The following FAM168A variants were observed in gnomAD, a reference collection of about 807,000 sequenced individuals.
FAM168A encodes the protein protein FAM168A.
A neutral mutation model predicts 28.5 loss-of-function variants in FAM168A; 3 were observed. That is an observed-to-expected ratio of 0.11 (90% confidence interval 0.05 to 0.27). The LOEUF (loss-of-function observed/expected upper bound fraction) is 0.27, where lower values mean the gene tolerates loss of function less well. Ranked by LOEUF, FAM168A falls within the 10% of genes least tolerant of loss-of-function variation. FAM168A has a pLI of 1.00. For synonymous variants in FAM168A, 122 were observed against 124.2 expected, an observed-to-expected ratio of 0.98 and a Z score of 0.12; for missense variants, 222 against 311.5, an observed-to-expected ratio of 0.71 and a Z score of 2.16.
chr11:73,535,609 C>T (rs56205113), intron 1 of FAM168A, among the ~76,000 whole-genome samples: 12,343 of 151,422 alleles, frequency 0.082, 1,523 homozygotes, highest in African/African-American at 0.27. Context: ...TTAGTAGAGA[C>T]GGGGTTTCAC....
chr11:73,548,363 A>G (rs1054453085), intron 1 of FAM168A, among the ~76,000 whole-genome samples: 2 of 152,208 alleles, frequency 1.3e-5, no homozygotes, highest in Admixed American at 6.5e-5. Context: ...AAGCAAGCAC[A>G]TTATTTCGCC....
intron 1 of FAM168A, among the ~76,000 whole-genome samples, chr11:73,487,549 A>C (rs2134603447): frequency 6.6e-6 from 1 of 152,208 alleles, no homozygotes. Context: ...TCTCTCTAAT[A>C]TATTCTTATC....
intron 5 of FAM168A, chr11:73,410,385 G>T (rs1461598829): frequency 6.6e-6 from 1 of 151,776 alleles, no homozygotes; most frequent in East Asian, 1.9e-4. Context: ...TCCAGCCTGG[G>T]TGACAGAGCA....
chr11:73,424,501 C>T (rs552263945), intron 3 of FAM168A, among the ~76,000 whole-genome samples: 2 of 152,086 alleles, frequency 1.3e-5, no homozygotes, highest in South Asian at 2.1e-4. Context: ...GCTGCCCCCC[C>T]CACCTCTCAC....
chr11:73,483,627 G>A (rs746874530), intron 1 of FAM168A, among the ~76,000 whole-genome samples: 2 of 152,216 alleles, frequency 1.3e-5, no homozygotes, highest in South Asian at 2.1e-4. Flanking sequence ...AAGCTAAAAC[G>A]GAAAAGAAGG....
At chr11:73,467,559 C>G (rs1228613880) in intron 2 of FAM168A, among the ~76,000 whole-genome samples, 1 of 152,104 alleles carries the variant, frequency 6.6e-6, no homozygotes, top group Non-Finnish European at 1.5e-5. Context: ...ATGTTTAAAT[C>G]TTGATGCAAA....
rs1254857650 is a variant in FAM168A at position 73,598,056 on chromosome 11, C to T, written c.-152G>A. On this transcript the variant is annotated 5_prime_UTR_variant, in exon 1 of 8. Coordinates refer to ENST00000356467, the MANE Select transcript of FAM168A (RefSeq NM_015159.3). ...GGCGGATGGCGCGCGGGGACCGGAG[C>T]CTCCTCCTCAGCGACTCGGCTCTGA... 1 of 152,444 alleles carries T rather than the reference C, an allele frequency of 6.6e-6. No individual in the cohort carries two copies. The highest frequency in any genetic ancestry group is 1.5e-5 in the Non-Finnish European group (1 of 68,222). The allele number at this position is 152,444 out of a possible 1,614,324, so 9.4% of individuals were successfully genotyped here.
chr11:73,537,021 G>A (rs1943591327), intron 1 of FAM168A, among the ~76,000 whole-genome samples: 1 of 152,178 alleles, frequency 6.6e-6, no homozygotes, highest in African/African-American at 2.4e-5. Flanking sequence ...TCATGCCATA[G>A]CATTTCCCCT....
At chr11:73,575,180 G>A (rs866299007) in intron 1 of FAM168A, among the ~76,000 whole-genome samples, 2 of 152,168 alleles carry the variant, frequency 1.3e-5, no homozygotes, top group South Asian at 2.1e-4. Flanking sequence ...CAGTGACTAC[G>A]CCATGCTTTG....
intron 1 of FAM168A, among the ~76,000 whole-genome samples, chr11:73,518,693 C>A (rs1347245587): frequency 6.6e-6 from 1 of 151,946 alleles, no homozygotes; most frequent in Non-Finnish European, 1.5e-5. Flanking sequence ...GTCAGGAGTT[C>A]GAAACCAGCC....
intron 3 of FAM168A, among the ~76,000 whole-genome samples, chr11:73,421,673 C>T (rs1866795167): frequency 6.6e-6 from 1 of 152,176 alleles, no homozygotes; most frequent in Admixed American, 6.5e-5. Flanking sequence ...CAAATCTTAT[C>T]AACATGTCTC....
At chr11:73,438,742 C>T (rs754679774) in intron 2 of FAM168A, among the ~76,000 whole-genome samples, 9 of 151,866 alleles carry the variant, frequency 5.9e-5, no homozygotes, top group Admixed American at 4.6e-4. Context: ...AGGAGGAACA[C>T]GATAGTAAGT....
intron 2 of FAM168A, among the ~76,000 whole-genome samples, chr11:73,463,123 C>A (rs959673192): frequency 4.0e-5 from 6 of 151,692 alleles, no homozygotes; most frequent in African/African-American, 1.5e-4. Context: ...TGTGCGCCAC[C>A]ACATCTGGTT....
intron 1 of FAM168A, among the ~76,000 whole-genome samples, chr11:73,527,714 G>A (rs889769138): frequency 1.3e-5 from 2 of 151,724 alleles, no homozygotes; most frequent in African/African-American, 4.8e-5. Context: ...GCCCAGGTGG[G>A]TTCTAGAAAA....
rs189758761 is a variant in FAM168A at position 73,413,043 on chromosome 11, A to G, written c.278-1507T>C. Among the ~76,000 whole-genome samples, 28 of 152,272 alleles carry G rather than the reference A, an allele frequency of 1.8e-4. No homozygotes were observed. In the East Asian group the frequency reaches 4.0e-3, roughly 22 times the overall value. On this transcript the variant is annotated intron_variant, in intron 4 of 7. Coordinates refer to ENST00000356467, the MANE Select transcript of FAM168A (RefSeq NM_015159.3). ...TGGCTAAGAATGAAGATCTCTTCCTAAACAAAAATTCCATGGTTCTAAAGA... is the reference window on the plus strand; with the variant it reads ...TGGCTAAGAATGAAGATCTCTTCCTGAACAAAAATTCCATGGTTCTAAAGA...
intron 1 of FAM168A, among the ~76,000 whole-genome samples, chr11:73,501,713 A>C (rs1855013037): frequency 6.6e-6 from 1 of 152,210 alleles, no homozygotes; most frequent in African/African-American, 2.4e-5. Flanking sequence ...AATTTACAGC[A>C]CTAAATGCCC....
At chr11:73,443,102 C>T (rs1013349610) in intron 2 of FAM168A, among the ~76,000 whole-genome samples, 2 of 150,456 alleles carry the variant, frequency 1.3e-5, no homozygotes, top group Non-Finnish European at 3.0e-5. Flanking sequence ...CACTTTTATA[C>T]TTATTTTATC....
rs539917744 is a variant in FAM168A, at chr11:73,550,758, T to C, written c.-19+47165A>G. On this transcript the variant is annotated intron_variant, in intron 1 of 7. Coordinates refer to ENST00000356467, the MANE Select transcript of FAM168A (RefSeq NM_015159.3). ...TGTCATGGATGAAGATACAGGAATA[T>C]GACCTGGACAGCAGGTGAAAAGTAG... Among the ~76,000 whole-genome samples, 4 of 152,030 alleles carry C rather than the reference T, an allele frequency of 2.6e-5. No individual in the cohort carries two copies. In the East Asian group the frequency reaches 7.8e-4, roughly 30 times the overall value.
At chr11:73,408,198 T>C (rs1866542932) in intron 6 of FAM168A, among the ~76,000 whole-genome samples, 1 of 152,204 alleles carries the variant, frequency 6.6e-6, no homozygotes. Context: ...TGTATGCTTC[T>C]CTTATTGCAC....
Sources: gnomAD v4.1 joint callset for allele counts (sites outside exome capture counted in the v4.1 genomes callset) on GRCh38, gnomAD v4.1.1 for gene constraint, MANE v1.5 for transcripts, NCBI Gene and HGNC (gene_info 2026-07-23, HGNC 2026-07-21) for gene names.